PPP1R21: variants seen among roughly 807,000 people sequenced by gnomAD.
PPP1R21 encodes the protein protein phosphatase 1 regulatory subunit 21.
A neutral mutation model predicts 112.8 loss-of-function variants in PPP1R21; 85 were observed. The observed-to-expected ratio is 0.75, with a 90% CI of 0.63 to 0.90. PPP1R21 has a LOEUF of 0.90. Ranked by LOEUF, PPP1R21 falls within the 40% of genes least tolerant of loss-of-function variation. The probability of loss-of-function intolerance (pLI) is 0.00; values close to 1 mark genes in which losing one functional copy is unlikely to be tolerated. For missense variants in PPP1R21, 1,199 were observed against 901.5 expected, an observed-to-expected ratio of 1.33 and a Z score of -4.23; for synonymous variants, 381 against 322.3, an observed-to-expected ratio of 1.18 and a Z score of -1.95.
chr2:48,470,969 C>T, intron 9 of PPP1R21, 118 bp from the exon 10 acceptor site: 1 of 690,744 alleles, frequency 1.4e-6, no homozygotes, highest in Non-Finnish European at 2.5e-6. Flanking sequence ...TTTGAGGCTG[C>T]AGTGAGCCAT....
chr2:48,498,772 T>G lies in PPP1R21; in HGVS notation c.1935+37T>G, dbSNP rs111827673. On this transcript the variant is annotated intron_variant, in intron 17 of 21. Coordinates refer to ENST00000294952, the MANE Select transcript of PPP1R21 (RefSeq NM_001135629.3). ...CTTGGTTGTCCTCAGTTTTCTTTTT[T>G]AAATGCTAATTGGTAAGTATCTAAT... 2.6e-3 allele frequency: 4,145 copies of G among 1,602,756 alleles called. 94 individuals carry two copies. The African/African-American group carries it at 0.049, about 19-fold the overall frequency.
intron 3 of PPP1R21, among the ~76,000 whole-genome samples, chr2:48,457,767 C>T (rs1032257672): frequency 2.0e-5 from 3 of 152,090 alleles, no homozygotes; most frequent in Admixed American, 6.5e-5. Flanking sequence ...CTCTCATTTC[C>T]CAAACCAAAA....
intron 1 of PPP1R21, among the ~76,000 whole-genome samples, chr2:48,442,678 C>A (rs969896793): frequency 5.9e-5 from 9 of 152,036 alleles, no homozygotes; most frequent in African/African-American, 2.2e-4. Context: ...TGAGGTTATA[C>A]TGGGGATTAG....
chr2:48,505,479 G>A, intron 17 of PPP1R21, 85 bp from the exon 18 acceptor site: 1 of 987,854 alleles, frequency 1.0e-6, no homozygotes, highest in South Asian at 1.4e-5. Context: ...TGTGAACGGA[G>A]AGGAGAAAAT....
chr2:48,506,161 C>G (rs531348643), intron 18 of PPP1R21, among the ~76,000 whole-genome samples: 1 of 152,216 alleles, frequency 6.6e-6, no homozygotes, highest in African/African-American at 2.4e-5. Context: ...GTGGCATGAT[C>G]TCAGCTTACT....
chr2:48,463,562 A>G (rs1336511949), intron 7 of PPP1R21, among the ~76,000 whole-genome samples: 1 of 152,136 alleles, frequency 6.6e-6, no homozygotes, highest in East Asian at 1.9e-4. Context: ...ATGGAGAAGC[A>G]TGAGAGCCTG....
intron 11 of PPP1R21, among the ~76,000 whole-genome samples, chr2:48,474,238 C>G (rs775473923): frequency 3.3e-5 from 5 of 152,190 alleles, no homozygotes; most frequent in Non-Finnish European, 4.4e-5. Context: ...CAAAAATTAG[C>G]CGGGCGTGGT....
At chr2:48,495,818 TA>T (rs751444010) in intron 16 of PPP1R21, 47 bp downstream of exon 16, 1 of 1,081,726 alleles carries the variant, frequency 9.2e-7, no homozygotes, top group Non-Finnish European at 1.4e-6. Flanking sequence ...ACAGAAATGT[TA>T]AATCCCCCAT....
At chr2:48,473,157 A>G (rs544440957) in intron 11 of PPP1R21, among the ~76,000 whole-genome samples, 1 of 151,932 alleles carries the variant, frequency 6.6e-6, no homozygotes, top group Non-Finnish European at 1.5e-5. Flanking sequence ...TCCTTACAAG[A>G]TATTTCAGTA....
chr2:48,443,032 G>T (rs11692537), intron 1 of PPP1R21, among the ~76,000 whole-genome samples: 1 of 152,036 alleles, frequency 6.6e-6, no homozygotes, highest in African/African-American at 2.4e-5. Context: ...GTAATGTAGG[G>T]TTATATAAAG....
intron 9 of PPP1R21, among the ~76,000 whole-genome samples, chr2:48,468,164 T>A (rs1473167261): frequency 6.6e-6 from 1 of 152,206 alleles, no homozygotes; most frequent in Admixed American, 6.5e-5. Flanking sequence ...ATCTTTAAAA[T>A]GGGAGATAGA....
In PPP1R21 at chr2:48,507,185, ATGT is replaced by A. The variant is rs878912641; in HGVS notation, c.1969-80_1969-78del. On this transcript the variant is annotated intron_variant, in intron 18 of 21. Coordinates refer to ENST00000294952, the MANE Select transcript of PPP1R21 (RefSeq NM_001135629.3). ...CAAAGTTCAAGTGAGAATGTACAAA[ATGT>A]TGTCTTTTTTTTTTTTTTTTTCTAG... 190 of 1,408,164 alleles carry A rather than the reference ATGT, an allele frequency of 1.3e-4. 1 individual carries two copies. In the South Asian group the frequency reaches 2.7e-3, roughly 20 times the overall value. The allele number at this position is 1,408,164 out of a possible 1,614,324, so 87.2% of individuals were successfully genotyped here. A position where few individuals can be genotyped will look rare whatever the true frequency, so the allele number is the denominator to read the frequency against.
At chr2:48,503,583 A>G (rs1425413645) in intron 17 of PPP1R21, among the ~76,000 whole-genome samples, 2 of 152,194 alleles carry the variant, frequency 1.3e-5, no homozygotes, top group African/African-American at 4.8e-5. Flanking sequence ...ATTATTTTTT[A>G]AAAGGACTGT....
chr2:48,495,914 CA>C (rs1669814619), intron 16 of PPP1R21, 143 bp downstream of exon 16: 4 of 553,682 alleles, frequency 7.2e-6, no homozygotes, highest in Middle Eastern at 3.3e-4. Context: ...TACTAAAAAG[CA>C]AATAGACATA....
At chr2:48,506,958 A>C (rs1272085340) in intron 18 of PPP1R21, among the ~76,000 whole-genome samples, 1 of 151,904 alleles carries the variant, frequency 6.6e-6, no homozygotes, top group Non-Finnish European at 1.5e-5. Context: ...AAAAAAAAAA[A>C]AAAAAAGTCA....
Position 48,507,288 on chromosome 2 carries a change from G to T in PPP1R21, c.1988G>T (p.Arg663Leu), listed in dbSNP as rs147453938. Residue 663 changes from arginine to leucine, a missense_variant, in exon 19 of 22, where the codon CGT becomes CTT. Physicochemically the swap from Arg to Leu is moderately radical, Grantham distance 102. Transcript: ENST00000294952. ...SDSEVPDVES[R>L]EDLIKNHYMA... ...ATTTAGGTTCCAGATGTGGAATCTC[G>T]TGAAGACTTAATTAAAAATCACTAC... is the stretch of plus-strand genomic sequence containing the variant. 5 of 1,565,188 alleles carry T rather than the reference G, an allele frequency of 3.2e-6. No homozygotes were observed. Among genetic ancestry groups the T allele is most frequent in the East Asian group, 2.4e-5 (1 of 41,194 alleles).
At chr2:48,446,436 A>C (rs1368556922) in intron 1 of PPP1R21, among the ~76,000 whole-genome samples, 2 of 152,196 alleles carry the variant, frequency 1.3e-5, no homozygotes, top group African/African-American at 4.8e-5. Flanking sequence ...AGTTAGGCTC[A>C]AGGCTTTTGA....
At chr2:48,475,705 G>A (rs1668722327) in intron 12 of PPP1R21, among the ~76,000 whole-genome samples, 1 of 152,070 alleles carries the variant, frequency 6.6e-6, no homozygotes, top group Non-Finnish European at 1.5e-5. Context: ...AAATCAGCTG[G>A]GTGTGGTGGT....
At chr2:48,445,634 T>G (rs1667213384) in intron 1 of PPP1R21, among the ~76,000 whole-genome samples, 1 of 152,214 alleles carries the variant, frequency 6.6e-6, no homozygotes, top group Admixed American at 6.5e-5. Flanking sequence ...TTAGTTTAAC[T>G]GATTTACTCA....
Sources: allele counts gnomAD v4.1 joint callset (sites outside exome capture counted in the v4.1 genomes callset), GRCh38; gene constraint gnomAD v4.1.1; transcripts MANE v1.5; gene names NCBI Gene and HGNC (gene_info 2026-07-23, HGNC 2026-07-21).